PPFIA2: variants seen among roughly 807,000 people sequenced by gnomAD.
The protein encoded by PPFIA2 is PPFI scaffold protein A2.
In PPFIA2, 46 loss-of-function variants were observed where a neutral mutation model predicts 175.5. The ratio of observed to expected loss-of-function variants is 0.26; its 90% CI spans 0.21 to 0.34. The LOEUF (loss-of-function observed/expected upper bound fraction) is 0.34, where lower values mean the gene tolerates loss of function less well. Among genes scored for constraint, PPFIA2 ranks in the 10% least tolerant of loss-of-function variants. PPFIA2 has a pLI of 1.00. For missense variants in PPFIA2, 1,179 were observed against 1,506.1 expected (o/e 0.78, Z 3.60); for synonymous variants, 568 against 511.4 (o/e 1.11, Z -1.49).
intron 4 of PPFIA2, among the ~76,000 whole-genome samples, chr12:81,492,518 T>G (rs138691399): frequency 5.0e-4 from 76 of 151,870 alleles, no homozygotes; most frequent in Non-Finnish European, 8.1e-4. Flanking sequence ...GCAATCTAGA[T>G]AGAGATGGCA....
chr12:81,374,805 C>CA (rs777667417), intron 10 of PPFIA2, 37 bp from the exon 11 acceptor site: 8 of 1,583,808 alleles, frequency 5.1e-6, no homozygotes, highest in African/African-American at 2.7e-5. Flanking sequence ...CTTAAAGAGT[C>CA]AGAGTTTGGA....
intron 4 of PPFIA2, among the ~76,000 whole-genome samples, chr12:81,594,277 C>T (rs1458302496): frequency 6.6e-6 from 1 of 152,138 alleles, no homozygotes; most frequent in Non-Finnish European, 1.5e-5. Context: ...CAGGAGGTTA[C>T]TATGTTTCCA....
rs148050613 is a variant in PPFIA2 at position 81,312,431 on chromosome 12, T to C, written c.2643-13049A>G. The C allele has an allele frequency of 1.1e-3, 468 of 434,374 alleles. 1 individual carries two copies. The highest frequency in any genetic ancestry group is 8.1e-3 in the African/African-American group (408 of 50,478). 26.9% of individuals were successfully genotyped at this position (434,374 alleles called of 1,614,324 possible). Reference sequence around the variant, plus strand: ...CTTGAGTATGAGCCACTCTGAAACATGCATGACCACATTTTCCCAGCCTCG... The same window carrying C: ...CTTGAGTATGAGCCACTCTGAAACACGCATGACCACATTTTCCCAGCCTCG... On this transcript the variant is annotated intron_variant, in intron 22 of 32. Transcript: ENST00000549396.
intron 15 of PPFIA2, among the ~76,000 whole-genome samples, chr12:81,359,373 A>G (rs546422457): frequency 3.1e-4 from 47 of 152,124 alleles, no homozygotes; most frequent in African/African-American, 1.1e-3. Flanking sequence ...CAAATAGGTG[A>G]CAGCTATTGT....
chr12:81,487,146 C>T (rs372970493), intron 4 of PPFIA2, among the ~76,000 whole-genome samples: 3 of 151,854 alleles, frequency 2.0e-5, no homozygotes, highest in East Asian at 3.9e-4. Context: ...TTTGCCTTGA[C>T]TGGACTGGCC....
rs546215207 is a variant in PPFIA2, at chr12:81,585,149, G to A, written c.303+91642C>T. 9.7e-5 allele frequency among the ~76,000 whole-genome samples: 14 copies of A among 144,122 alleles called. No individual in the cohort carries two copies. In the East Asian group the frequency reaches 2.2e-3, roughly 23 times the overall value. 94.5% of individuals were successfully genotyped at this position (144,122 alleles called of 152,430 possible). On this transcript the variant is annotated intron_variant, in intron 4 of 32. Coordinates refer to ENST00000549396, the MANE Select transcript of PPFIA2 (RefSeq NM_003625.5). Reference sequence around the variant, plus strand: ...AAATAATAAAAAAGAATAAATATAGGGCACTTACCATAAATGGAGCTTGCA... The same window carrying A: ...AAATAATAAAAAAGAATAAATATAGAGCACTTACCATAAATGGAGCTTGCA...
At position 81,657,125 on chromosome 12, in the gene PPFIA2, A is replaced by G. The variant is rs182733104; in HGVS notation, c.303+19666T>C. Reference sequence around the variant, plus strand: ...GAAAAGACTGTCTAGTTACAGAAGAAAAGCTAGAACAAGTTATTTTCCTTC... The same window carrying G: ...GAAAAGACTGTCTAGTTACAGAAGAGAAGCTAGAACAAGTTATTTTCCTTC... On this transcript the variant is annotated intron_variant, in intron 4 of 32. Transcript: ENST00000549396. 3.9e-3 allele frequency among the ~76,000 whole-genome samples: 595 copies of G among 152,320 alleles called. 3 individuals are homozygous for G. The highest frequency in any genetic ancestry group is 0.014 in the African/African-American group (567 of 41,580).
At chr12:81,350,705 A>T (rs1409425906) in intron 17 of PPFIA2, among the ~76,000 whole-genome samples, 1 of 152,178 alleles carries the variant, frequency 6.6e-6, no homozygotes, top group South Asian at 2.1e-4. Context: ...GGGATTACAT[A>T]AACACATTTG....
At chr12:81,619,456 T>C (rs113611635) in intron 4 of PPFIA2, among the ~76,000 whole-genome samples, 6,962 of 152,232 alleles carry the variant, frequency 0.046, 225 homozygotes, top group Non-Finnish European at 0.071. Context: ...CATTCAAGAG[T>C]GAGTAGGACT....
chr12:81,714,284 T>C (rs1243523292), intron 3 of PPFIA2, among the ~76,000 whole-genome samples: 1 of 151,040 alleles, frequency 6.6e-6, no homozygotes, highest in Non-Finnish European at 1.5e-5. Flanking sequence ...TGCTGGCTGA[T>C]ATATTTTGGG....
intron 20 of PPFIA2, 137 bp from the exon 21 acceptor site, chr12:81,339,471 T>C: frequency 1.4e-6 from 1 of 714,684 alleles, no homozygotes; most frequent in Non-Finnish European, 2.0e-6. Context: ...TGTTTCCTTT[T>C]AAGATATTAA....
At chr12:81,647,853 A>C (rs2066400593) in intron 4 of PPFIA2, among the ~76,000 whole-genome samples, 1 of 140,198 alleles carries the variant, frequency 7.1e-6, no homozygotes, top group African/African-American at 2.6e-5. Flanking sequence ...TATAATATAT[A>C]ACATATATAA....
rs544893385 is a variant in PPFIA2, at chr12:81,508,521, CAAAAA to C, written c.304-50660_304-50656del. Among the ~76,000 whole-genome samples, 50 of 44,810 alleles carry C rather than the reference CAAAAA, an allele frequency of 1.1e-3. No individual in the cohort carries two copies. In the East Asian group the frequency reaches 0.023, roughly 21 times the overall value. 29.4% of individuals were successfully genotyped at this position (44,810 alleles called of 152,430 possible). ...GGACAACAAGAGCAAAATTCCACCTCAAAAAAAAAAAAAAAAAAAAAAAAGCTTTG... is the reference window on the plus strand; with the variant it reads ...GGACAACAAGAGCAAAATTCCACCTCAAAAAAAAAAAAAAAAAAAGCTTTG... On this transcript the variant is annotated intron_variant, in intron 4 of 32. Coordinates refer to ENST00000549396, the MANE Select transcript of PPFIA2 (RefSeq NM_003625.5).
intron 4 of PPFIA2, among the ~76,000 whole-genome samples, chr12:81,545,130 C>A (rs1271839220): frequency 6.6e-6 from 1 of 151,626 alleles, no homozygotes; most frequent in Admixed American, 6.6e-5. Context: ...TCAACACTTT[C>A]AAAAACTGAG....
chr12:81,608,127 C>G (rs947154452), intron 4 of PPFIA2, among the ~76,000 whole-genome samples: 1 of 152,116 alleles, frequency 6.6e-6, no homozygotes, highest in Non-Finnish European at 1.5e-5. Flanking sequence ...ACCAACCTTG[C>G]ATCCCAGGAA....
Position 81,365,682 on chromosome 12 carries a change from C to T in PPFIA2, c.1545+1426G>A, listed in dbSNP as rs181281652. On this transcript the variant is annotated intron_variant, in intron 14 of 32. Coordinates refer to ENST00000549396, the MANE Select transcript of PPFIA2 (RefSeq NM_003625.5). The stretch of plus-strand genomic sequence containing the variant: ...GAGGATTCATCCTCTACTTAGAATG[C>T]TCTACCTTTATGAAGATCATATATG... Among the ~76,000 whole-genome samples, 433 of 151,792 alleles carry T rather than the reference C, an allele frequency of 2.9e-3. 6 individuals are homozygous for T. Among genetic ancestry groups the T allele is most frequent in the African/African-American group, 9.9e-3 (412 of 41,468 alleles).
chr12:81,294,556 A>G (rs756307597), intron 24 of PPFIA2: 4 of 317,014 alleles, frequency 1.3e-5, no homozygotes, highest in Non-Finnish European at 2.3e-5. Context: ...GAATTGAAAA[A>G]AGAGTAAGCT....
chr12:81,718,509 T>C (rs2078931177), intron 3 of PPFIA2, among the ~76,000 whole-genome samples: 1 of 151,570 alleles, frequency 6.6e-6, no homozygotes, highest in Admixed American at 6.6e-5. Context: ...GCTTTTACCC[T>C]AAGAAACAAA....
intron 4 of PPFIA2, among the ~76,000 whole-genome samples, chr12:81,493,636 G>A (rs2059655634): frequency 6.6e-6 from 1 of 151,480 alleles, no homozygotes; most frequent in South Asian, 2.1e-4. Context: ...GAGATAATGG[G>A]CATTCAAAAC....
Sources: allele counts gnomAD v4.1 joint callset (sites outside exome capture counted in the v4.1 genomes callset), GRCh38; gene constraint gnomAD v4.1.1; transcripts MANE v1.5; gene names NCBI Gene and HGNC (gene_info 2026-07-23, HGNC 2026-07-21).